The following TXNRD3 variants were observed in gnomAD, a reference collection of about 807,000 sequenced individuals.
The protein encoded by TXNRD3 is thioredoxin reductase 3.
TXNRD3 carries 68 observed loss-of-function variants against 78.2 expected under a neutral mutation model. The ratio of observed to expected loss-of-function variants is 0.87; its 90% confidence interval spans 0.72 to 1.06. TXNRD3 has a LOEUF of 1.06. Among genes scored for constraint, TXNRD3 ranks in the 50% least tolerant of loss-of-function variants. The pLI is 0.00. For synonymous variants in TXNRD3, 296 were observed against 300.1 expected, an observed-to-expected ratio of 0.99 and a Z score of 0.14; for missense variants, 751 against 809.5, an observed-to-expected ratio of 0.93 and a Z score of 0.88.
intron 14 of TXNRD3, chr3:126,609,213 T>C (rs1379204825): frequency 1.7e-5 from 7 of 415,658 alleles, no homozygotes; most frequent in Non-Finnish European, 3.0e-5. Flanking sequence ...TTGTCAATGT[T>C]CCTTCATCAG....
chr3:126,652,023 A>G (rs1266671851), intron 1 of TXNRD3, among the ~76,000 whole-genome samples: 1 of 152,246 alleles, frequency 6.6e-6, no homozygotes, highest in Non-Finnish European at 1.5e-5. Context: ...AGATCCTTGT[A>G]TTAGTCTGTT....
chr3:126,630,720 G>A lies in TXNRD3; in HGVS notation c.1189C>T (p.Pro397Ser). The A allele has an allele frequency of 6.5e-7, 1 of 1,534,164 alleles. No individual in the cohort carries two copies. The highest frequency in any genetic ancestry group is 2.4e-5 in the East Asian group (1 of 40,922). The change falls in exon 9 of 16, where the codon CCT becomes TCT. Residue 397 changes from proline (P) to serine (S), a missense_variant. Physicochemically the swap from Pro to Ser is moderately conservative, Grantham distance 74. Coordinates refer to ENST00000524230, the MANE Select transcript of TXNRD3 (RefSeq NM_052883.3). Reference sequence around the variant, plus strand: ...ATGCCATGCAGCCTTACCATCACAGGTATGAATTTCCGTAGGAACTTCACA... The same window carrying A: ...ATGCCATGCAGCCTTACCATCACAGATATGAATTTCCGTAGGAACTTCACA...
intron 12 of TXNRD3, 129 bp downstream of exon 12, chr3:126,621,613 A>G (rs1938458211): frequency 1.2e-6 from 1 of 853,430 alleles, no homozygotes; most frequent in African/African-American, 1.7e-5. Context: ...AGTAAATAGT[A>G]AGTCTACTGC....
At chr3:126,619,455 G>A (rs919116974) in intron 12 of TXNRD3, among the ~76,000 whole-genome samples, 4 of 152,142 alleles carry the variant, frequency 2.6e-5, no homozygotes, top group African/African-American at 9.7e-5. Flanking sequence ...AATAAGTTGG[G>A]CACAGAAAGA....
chr3:126,642,236 T>C, intron 5 of TXNRD3, 85 bp from the exon 6 acceptor site: 2 of 1,413,148 alleles, frequency 1.4e-6, no homozygotes, highest in Non-Finnish European at 1.8e-6. Context: ...CATGTGGAAA[T>C]GACAAGCTCA....
intron 9 of TXNRD3, 118 bp from the exon 10 acceptor site, chr3:126,629,589 A>C: frequency 5.8e-6 from 4 of 686,884 alleles, no homozygotes. Flanking sequence ...TACATATAAT[A>C]GGTGTTAGTA....
intron 2 of TXNRD3, 123 bp from the exon 3 acceptor site, chr3:126,646,343 T>C (rs752761020): frequency 2.2e-4 from 138 of 637,734 alleles, no homozygotes; most frequent in Non-Finnish European, 3.1e-4. Flanking sequence ...CAGTGTGTTA[T>C]ATAACTTTAT....
intron 14 of TXNRD3, 21 bp downstream of exon 14, chr3:126,611,016 G>T: frequency 7.7e-7 from 1 of 1,300,464 alleles, no homozygotes; most frequent in South Asian, 1.6e-5. Flanking sequence ...CAGCATTTTG[G>T]CTTCTAGTGG....
At chr3:126,643,893 T>G in intron 5 of TXNRD3, 88 bp downstream of exon 5, 7 of 1,276,136 alleles carry the variant, frequency 5.5e-6, no homozygotes, top group African/African-American at 1.5e-5. Flanking sequence ...TTATACCTCT[T>G]GAGATTGTTG....
chr3:126,644,365 C>A lies in TXNRD3; in HGVS notation c.451G>T (p.Glu151Ter). 6.5e-7 allele frequency: 1 copy of A among 1,536,270 alleles called. No homozygotes were observed. The highest frequency in any genetic ancestry group is 8.7e-7 in the Non-Finnish European group (1 of 1,146,932). Residue 151 changes from glutamate (E) to a stop codon, truncating the protein, a stop_gained, in exon 4 of 16, where the codon GAA becomes TAA. Transcript: ENST00000524230. LOFTEE classifies it high-confidence loss of function. ...AGATCATAATCATATGCCAAATCTTCCTGAAGGAGCTTCTGTAACAAACCA... is the reference window on the plus strand; with the variant it reads ...AGATCATAATCATATGCCAAATCTTACTGAAGGAGCTTCTGTAACAAACCA...
At chr3:126,639,515 C>G (rs961420371) in intron 6 of TXNRD3, among the ~76,000 whole-genome samples, 1 of 152,152 alleles carries the variant, frequency 6.6e-6, no homozygotes, top group African/African-American at 2.4e-5. Context: ...CCAGGATGTT[C>G]CCAAGGCACC....
In TXNRD3 at chr3:126,630,830, A is replaced by C; in HGVS notation, c.1079T>G (p.Val360Gly). Residue 360 changes from valine to glycine, a missense_variant, in exon 9 of 16, where the codon GTC becomes GGC. Physicochemically the swap from Val to Gly is moderately radical, Grantham distance 109 (BLOSUM62 -3). Transcript: ENST00000524230. ...AAGGATTGAGCGTACCATAACTGTGACATCTAGGCCAAAGCCAGCCAGAAA... is the reference window on the plus strand; with the variant it reads ...AAGGATTGAGCGTACCATAACTGTGCCATCTAGGCCAAAGCCAGCCAGAAA... 3 of 1,535,936 alleles carry C rather than the reference A, an allele frequency of 2.0e-6. No homozygotes were observed. In the South Asian group the frequency reaches 3.6e-5, roughly 18 times the overall value.
intron 10 of TXNRD3, among the ~76,000 whole-genome samples, chr3:126,623,125 C>T (rs998068632): frequency 1.3e-5 from 2 of 152,192 alleles, no homozygotes; most frequent in African/African-American, 2.4e-5. Context: ...GTTGTTTAAG[C>T]CACACAGTCT....
chr3:126,624,995 T>C (rs1022620786), intron 10 of TXNRD3: 1 of 176,006 alleles, frequency 5.7e-6, no homozygotes, highest in South Asian at 1.3e-4. Context: ...AATTAACATA[T>C]GTTGGCATGG....
Position 126,621,884 on chromosome 3 carries a change from G to C in TXNRD3, c.1382C>G (p.Pro461Arg). ...ATTGGTCTGTTCCACATCATTTACA[G>C]GTATTTTTCCACTCCTATTAGTTTT... Residue 461 changes from proline to arginine, a missense_variant, in exon 12 of 16, where the codon CCT becomes CGT. Pro to Arg is a moderately radical substitution (Grantham distance 103). Coordinates refer to ENST00000524230, the MANE Select transcript of TXNRD3 (RefSeq NM_052883.3). 6.6e-7 allele frequency: 1 copy of C among 1,510,136 alleles called. No homozygotes were observed. The highest frequency in any genetic ancestry group is 8.8e-7 in the Non-Finnish European group (1 of 1,138,420). 93.5% of individuals were successfully genotyped at this position (1,510,136 alleles called of 1,614,324 possible).
intron 10 of TXNRD3, among the ~76,000 whole-genome samples, chr3:126,624,460 A>G (rs1938531384): frequency 1.3e-5 from 2 of 150,964 alleles, no homozygotes; most frequent in Non-Finnish European, 2.9e-5. Flanking sequence ...TTGCTCTGGC[A>G]CCCAGGCTGG....
chr3:126,653,216 T>C (rs868618915), intron 1 of TXNRD3, among the ~76,000 whole-genome samples: 1 of 152,246 alleles, frequency 6.6e-6, no homozygotes, highest in South Asian at 2.1e-4. Flanking sequence ...TTTCTATCGA[T>C]TAGCCTACAA....
intron 6 of TXNRD3, among the ~76,000 whole-genome samples, chr3:126,641,329 C>T (rs1933082423): frequency 6.6e-6 from 1 of 152,136 alleles, no homozygotes; most frequent in Non-Finnish European, 1.5e-5. Context: ...ACTCCAGCCA[C>T]TATTAACCCC....
Position 126,637,932 on chromosome 3 carries a change from C to CTCTTTTTTTTTTT in TXNRD3, c.713-3882_713-3881insAAAAAAAAAAAGA, listed in dbSNP as rs1444254294. Among the ~76,000 whole-genome samples, 18 of 60,234 alleles carry CTCTTTTTTTTTTT rather than the reference C, an allele frequency of 3.0e-4. 1 individual carries two copies. Among genetic ancestry groups the CTCTTTTTTTTTTT allele is most frequent in the East Asian group, 1.4e-3 (2 of 1,448 alleles). The allele number at this position is 60,234 out of a possible 152,430, so 39.5% of individuals were successfully genotyped here. On this transcript the variant is annotated intron_variant, in intron 6 of 15. Coordinates refer to ENST00000524230, the MANE Select transcript of TXNRD3 (RefSeq NM_052883.3). ...CTTATTTTAACCTATATTTCTCTCT[C>CTCTTTTTTTTTTT]TTTTTTTTTTTTTTTTTTTTTTTTT... is the stretch of plus-strand genomic sequence containing the variant.
Sources: gnomAD v4.1 joint callset for allele counts (sites outside exome capture counted in the v4.1 genomes callset) on GRCh38, gnomAD v4.1.1 for gene constraint, MANE v1.5 for transcripts, NCBI Gene and HGNC (gene_info 2026-07-23, HGNC 2026-07-21) for gene names.